The following CFAP65 variants were observed in gnomAD, a reference collection of about 807,000 sequenced individuals.
The protein encoded by CFAP65 is cilia and flagella associated protein 65.
CFAP65 carries 155 observed loss-of-function variants against 208.0 expected under a neutral mutation model. That is an observed-to-expected ratio of 0.75 (90% CI 0.65 to 0.85). The LOEUF is 0.85. Among genes scored for constraint, CFAP65 ranks in the 40% least tolerant of loss-of-function variants. The probability of loss-of-function intolerance (pLI) is 0.00; values close to 1 mark genes in which losing one functional copy is unlikely to be tolerated. For synonymous variants in CFAP65, 970 were observed against 986.3 expected, an observed-to-expected ratio of 0.98 and a Z score of 0.31; for missense variants, 2,294 against 2,451.3, an observed-to-expected ratio of 0.94 and a Z score of 1.36.
In CFAP65 at chr2:219,035,350, T is replaced by C. The variant is rs751020034; in HGVS notation, c.542+130A>G. The C allele has an allele frequency of 6.4e-6, 10 of 1,573,798 alleles. No homozygotes were observed. The East Asian group carries it at 2.3e-4, about 36-fold the overall frequency. ...TGCATAATTATTCATACTGCACGTATTTTAAACACTCACTGGCTTTTATAT... is the reference window on the plus strand; with the variant it reads ...TGCATAATTATTCATACTGCACGTACTTTAAACACTCACTGGCTTTTATAT... On this transcript the variant is annotated intron_variant, in intron 5 of 34. Coordinates refer to ENST00000341552, the MANE Select transcript of CFAP65 (RefSeq NM_194302.4).
Position 219,040,531 on chromosome 2 carries a change from A to AAT in CFAP65, c.-16_-15insAT. On this transcript the variant is annotated 5_prime_UTR_variant, in exon 2 of 35. Coordinates refer to ENST00000341552, the MANE Select transcript of CFAP65 (RefSeq NM_194302.4). ...GCAAGGCTCCTACCTCCAATTGTGA[A>AAT]CTGGACGTTCAGATGAAATCAAAGA... 1 of 1,521,780 alleles carries AAT rather than the reference A, an allele frequency of 6.6e-7. No individual in the cohort carries two copies. The highest frequency in any genetic ancestry group is 1.2e-5 in the South Asian group (1 of 83,494). 94.3% of individuals were successfully genotyped at this position (1,521,780 alleles called of 1,614,324 possible).
rs1259539547 is a variant in CFAP65, at chr2:219,022,199, A to G, written c.2951T>C (p.Val984Ala). Residue 984 changes from valine to alanine, a missense_variant, in exon 17 of 35, where the codon GTG becomes GCG. Physicochemically the swap from Val to Ala is moderately conservative, Grantham distance 64. Around this residue, in one of 2 missense-constraint regions of CFAP65, gnomAD observed 1,427 missense variants for 1,438.7 expected, o/e 0.99. Transcript: ENST00000341552. ...AATTHYMLRL[V>A]GVGLTSSLSA... is the part of the protein sequence containing the mutation. ...GAGGCTGCTGGTGAGCCCAACGCCC[A>G]CCAGCCGGAGCATGTAGTGGGTGGT... The G allele has an allele frequency of 1.2e-6, 2 of 1,604,008 alleles. No individual in the cohort carries two copies. Among genetic ancestry groups the G allele is most frequent in the Admixed American group, 3.4e-5 (2 of 58,658 alleles).
At chr2:219,007,574 G>A (rs920775991) in intron 29 of CFAP65, among the ~76,000 whole-genome samples, 1 of 152,164 alleles carries the variant, frequency 6.6e-6, no homozygotes, top group Non-Finnish European at 1.5e-5. Context: ...AGGTGATTGA[G>A]GAGCAAGAAT....
rs1436887751 is a variant in CFAP65 at position 219,023,956 on chromosome 2, G to C, written c.2595+59C>G. ...AACCCCAGAATATGGCCTTGAAAAG[G>C]GTGGTTCAAGATTATGGCCCATTCC... On this transcript the variant is annotated intron_variant, in intron 15 of 34. Coordinates refer to ENST00000341552, the MANE Select transcript of CFAP65 (RefSeq NM_194302.4). The C allele has an allele frequency of 5.1e-6, 8 of 1,564,604 alleles. No individual in the cohort carries two copies. In the East Asian group the frequency reaches 1.1e-4, roughly 22 times the overall value.
In CFAP65 at chr2:219,005,505, G is replaced by A; in HGVS notation, c.4980C>T (p.Ser1660=). The A allele has an allele frequency of 6.2e-7, 1 of 1,613,320 alleles. No homozygotes were observed. The highest frequency in any genetic ancestry group is 1.1e-5 in the South Asian group (1 of 91,040). ...REESETSEEK[S]PNKWGPVSKQ... ...TGGAAACAGGGCCCCACTTGTTAGG[G>A]GATTTTTCCTCAGAAGTCTCTGACT... is the stretch of plus-strand genomic sequence containing the variant. The change falls in exon 32 of 35, where the codon TCC becomes TCT. Residue 1660 remains serine (S), a synonymous_variant. Coordinates refer to ENST00000341552, the MANE Select transcript of CFAP65 (RefSeq NM_194302.4).
At chr2:219,007,415 A>G (rs75166810) in intron 29 of CFAP65, among the ~76,000 whole-genome samples, 13,992 of 152,132 alleles carry the variant, frequency 0.092, 2,118 homozygotes, top group African/African-American at 0.32. Context: ...CCTAGGCTCA[A>G]GCAATCCTCA....
At chr2:219,017,387 G>A (rs1946970343) in intron 21 of CFAP65, among the ~76,000 whole-genome samples, 1 of 152,178 alleles carries the variant, frequency 6.6e-6, no homozygotes. Context: ...CTCCCACTTG[G>A]GGTTCCTGCC....
intron 26 of CFAP65, 121 bp downstream of exon 26, chr2:219,010,425 C>A: frequency 1.9e-6 from 2 of 1,077,118 alleles, no homozygotes; most frequent in Non-Finnish European, 1.3e-6. Context: ...TCATCTCTGC[C>A]TCTGTCCCTC....
At chr2:219,009,228 C>G in intron 28 of CFAP65, 74 bp from the exon 29 acceptor site, 1 of 1,480,872 alleles carries the variant, frequency 6.8e-7, no homozygotes. Flanking sequence ...AGCCCTCTCC[C>G]TTCCAAGGGC....
At chr2:219,025,752 G>C (rs1018691483) in intron 14 of CFAP65, among the ~76,000 whole-genome samples, 4 of 152,202 alleles carry the variant, frequency 2.6e-5, no homozygotes, top group African/African-American at 7.2e-5. Context: ...TTGAACCTGA[G>C]AGTCATAGGA....
intron 27 of CFAP65, among the ~76,000 whole-genome samples, 190 bp from the exon 28 acceptor site, chr2:219,009,650 A>ATGGGATGGGC (rs1946301982): frequency 1.2e-5 from 1 of 85,534 alleles, no homozygotes; most frequent in African/African-American, 5.3e-5. Flanking sequence ...ATGGGATGGG[A>ATGGGATGGGC]TGGGATAGGA....
In CFAP65 at chr2:219,024,092, A is replaced by G; in HGVS notation, c.2518T>C (p.Cys840Arg). 3 of 1,614,100 alleles carry G rather than the reference A, an allele frequency of 1.9e-6. No homozygotes were observed. Among genetic ancestry groups the G allele is most frequent in the Non-Finnish European group, 2.5e-6 (3 of 1,180,036 alleles). ...APGAHQIILI[C>R]TYPEGSSWKQ... ...CAGGAGCTGCCCTCAGGGTAGGTGC[A>G]GATGAGGATGATCTGGTGGGCCCCG... Residue 840 changes from cysteine (C) to arginine (R), a missense_variant, in exon 15 of 35, where the codon TGC becomes CGC. By Grantham distance (180) the Cys-to-Arg change is radical. Transcript: ENST00000341552.
At chr2:219,018,206 T>C (rs905514388) in intron 21 of CFAP65, 1 of 152,270 alleles carries the variant, frequency 6.6e-6, no homozygotes, top group Non-Finnish European at 1.5e-5. Context: ...CTCCTAAGTC[T>C]GACCCAGATG....
chr2:219,006,427 T>C, intron 30 of CFAP65, 38 bp downstream of exon 30: 1 of 1,612,640 alleles, frequency 6.2e-7, no homozygotes, highest in East Asian at 2.2e-5. Flanking sequence ...CCCTCCCAAG[T>C]TGTCCCAAGA....
intron 13 of CFAP65, chr2:219,027,281 G>T: frequency 5.1e-6 from 7 of 1,372,800 alleles, no homozygotes; most frequent in Non-Finnish European, 5.6e-6. Context: ...CTTCCTGCCC[G>T]CTCAAAGCTC....
rs752822287 is a variant in CFAP65, at chr2:219,030,082, G to C, written c.1288C>G (p.Pro430Ala). Residue 430 changes from proline to alanine, a missense_variant, in exon 10 of 35, where the codon CCC (proline) becomes GCC (alanine). This residue lies in a region of CFAP65 where 867 missense variants were observed against 1,012.6 expected (regional missense o/e 0.86). Transcript: ENST00000341552. ...ACAGTTCTGGTGTCCAGAGTCTTGG[G>C]GTGGAAGAACACCGACACACATTTC... is the stretch of plus-strand genomic sequence containing the variant. The part of the protein sequence containing the change: ...EKKCVSVFFH[P>A]KTLDTRTVDY... The C allele has an allele frequency of 1.6e-5, 26 of 1,614,080 alleles. No homozygotes were observed. The East Asian group carries it at 5.4e-4, about 33-fold the overall frequency.
At chr2:219,027,373 C>T (rs1001771334) in intron 13 of CFAP65, 25 of 1,465,564 alleles carry the variant, frequency 1.7e-5, no homozygotes, top group Non-Finnish European at 2.3e-5. Flanking sequence ...GGAGTATCTC[C>T]CTGTGCACCC....
At position 219,023,380 on chromosome 2, in the gene CFAP65, G is replaced by A; in HGVS notation, c.2647C>T (p.His883Tyr). The A allele has an allele frequency of 1.9e-6, 3 of 1,601,502 alleles. No homozygotes were observed. Among genetic ancestry groups the A allele is most frequent in the Non-Finnish European group, 2.6e-6 (3 of 1,174,764 alleles). Residue 883 changes from histidine to tyrosine, a missense_variant, in exon 16 of 35, where the codon CAC becomes TAC. Around this residue, in one of 2 missense-constraint regions of CFAP65, gnomAD observed 1,427 missense variants for 1,438.7 expected, o/e 0.99. Transcript: ENST00000341552. ...EEPLQLKLDT[H>Y]KSLYFKPTWV... is the part of the protein sequence containing the mutation. ...GTGGGCTTGAAGTAGAGGCTTTTGT[G>A]GGTGTCCAGCTTCAGCTGCAGTGGC...
rs774832322 is a variant in CFAP65, at chr2:219,031,329, G to A, written c.816-24C>T. 6.2e-7 allele frequency: 1 copy of A among 1,610,828 alleles called. No individual in the cohort carries two copies. Among genetic ancestry groups the A allele is most frequent in the Non-Finnish European group, 8.5e-7 (1 of 1,177,582 alleles). On this transcript the variant is annotated intron_variant, in intron 7 of 34. Transcript: ENST00000341552. The surrounding 1 kb of genome is among the most constrained non-coding windows in gnomAD (Gnocchi z 5.2). ...CCCTGGGGGTGGGGGGCAGGTCAGG[G>A]CACTGGGCTCCCGGCCCCTGCTCCT...
Sources: allele counts gnomAD v4.1 joint callset (sites outside exome capture counted in the v4.1 genomes callset), GRCh38; gene constraint gnomAD v4.1.1; regional missense constraint gnomAD v4.1.1; non-coding constraint Gnocchi (gnomAD v3.1); transcripts MANE v1.5; gene names NCBI Gene and HGNC (gene_info 2026-07-23, HGNC 2026-07-21).